The following EPHA4 variants were observed in gnomAD, a reference collection of about 807,000 sequenced individuals.
EPHA4 encodes the protein EPH receptor A4.
A neutral mutation model predicts 108.3 loss-of-function variants in EPHA4; 19 were observed. The observed-to-expected ratio is 0.18, with a 90% CI of 0.12 to 0.26. The LOEUF (loss-of-function observed/expected upper bound fraction) is 0.26. EPHA4 is among the 10% of genes least tolerant of loss of function. The pLI is 1.00. For synonymous variants in EPHA4, 449 were observed against 455.5 expected, an observed-to-expected ratio of 0.99 and a Z score of 0.18; for missense variants, 917 against 1,254.0, an observed-to-expected ratio of 0.73 and a Z score of 4.06.
intron 5 of EPHA4, 79 bp downstream of exon 5, chr2:221,482,273 C>A: frequency 7.8e-7 from 1 of 1,279,196 alleles, no homozygotes; most frequent in Non-Finnish European, 1.1e-6. Flanking sequence ...TCAATTATAG[C>A]AATTTATTAT....
At chr2:221,439,401 C>A (rs1414970122) in intron 11 of EPHA4, among the ~76,000 whole-genome samples, 2 of 150,968 alleles carry the variant, frequency 1.3e-5, no homozygotes, top group Non-Finnish European at 2.9e-5. Context: ...GAGGCTGAGA[C>A]AGGAGAATCA....
chr2:221,474,444 G>A (rs942039494), intron 5 of EPHA4, among the ~76,000 whole-genome samples: 3 of 146,742 alleles, frequency 2.0e-5, no homozygotes, highest in South Asian at 2.1e-4. Context: ...AAAAAGTACC[G>A]CATGTTGTTT....
intron 3 of EPHA4, among the ~76,000 whole-genome samples, chr2:221,537,499 GCCC>G (rs1318307921): frequency 6.6e-6 from 1 of 152,148 alleles, no homozygotes; most frequent in Non-Finnish European, 1.5e-5. Flanking sequence ...TAAAAAGAAG[GCCC>G]CAGGCCTGGC....
At chr2:221,555,586 C>A (rs188850885) in intron 3 of EPHA4, among the ~76,000 whole-genome samples, 2 of 152,290 alleles carry the variant, frequency 1.3e-5, no homozygotes, top group East Asian at 3.9e-4. Flanking sequence ...TTCTTAATTA[C>A]CCTCCAGATC....
chr2:221,426,045 T>G lies in EPHA4; in HGVS notation c.2944A>C (p.Arg982=), dbSNP rs950330376. ...MRTQMQQMHG[R]MVPV ...GTACTGGCTCAGACGGGAACCATTCTGCCGTGCATCTGCTGCATTTGGGTT... is the reference window on the plus strand; with the variant it reads ...GTACTGGCTCAGACGGGAACCATTCGGCCGTGCATCTGCTGCATTTGGGTT... Residue 982 remains arginine, a synonymous_variant, in exon 17 of 18, where the codon AGA becomes CGA. Coordinates refer to ENST00000281821, the MANE Select transcript of EPHA4 (RefSeq NM_004438.5). The G allele has an allele frequency of 6.2e-7, 1 of 1,614,182 alleles. No homozygotes were observed. Among genetic ancestry groups the G allele is most frequent in the Non-Finnish European group, 8.5e-7 (1 of 1,180,002 alleles).
intron 3 of EPHA4, among the ~76,000 whole-genome samples, chr2:221,548,416 C>A (rs1185323781): frequency 6.6e-6 from 1 of 152,206 alleles, no homozygotes; most frequent in East Asian, 1.9e-4. Context: ...CTCCCACTCT[C>A]ACCATGTGAA....
Position 221,519,230 on chromosome 2 carries a change from ACT to A in EPHA4, c.824-18060_824-18059del, listed in dbSNP as rs370938445. Among the ~76,000 whole-genome samples the A allele has an allele frequency of 3.0e-3, 454 of 152,296 alleles. 2 individuals carry two copies. The highest frequency in any genetic ancestry group is 7.9e-3 in the South Asian group (38 of 4,822). ...GGTGGCTATAAATGTAGTTTTAAAC[ACT>A]TTTTTTTTAAAGCAGGATATAACAA... On this transcript the variant is annotated intron_variant, in intron 3 of 17. Coordinates refer to ENST00000281821, the MANE Select transcript of EPHA4 (RefSeq NM_004438.5).
chr2:221,445,539 A>G (rs7594429), intron 9 of EPHA4, among the ~76,000 whole-genome samples: 51,076 of 148,708 alleles, frequency 0.34, 10,455 homozygotes, highest in African/African-American at 0.58. Flanking sequence ...GCAGTGAGCC[A>G]AGATCATGCC....
intron 3 of EPHA4, among the ~76,000 whole-genome samples, chr2:221,513,597 T>C (rs1331575305): frequency 6.6e-6 from 1 of 152,210 alleles, no homozygotes; most frequent in African/African-American, 2.4e-5. Context: ...CGTATTACGA[T>C]TCTCTGCTGA....
At chr2:221,551,763 G>A (rs1375021880) in intron 3 of EPHA4, among the ~76,000 whole-genome samples, 2 of 151,958 alleles carry the variant, frequency 1.3e-5, no homozygotes, top group Non-Finnish European at 2.9e-5. Context: ...ACCATTCAGT[G>A]GTTGATTCCA....
At chr2:221,491,871 C>A (rs1044987517) in intron 4 of EPHA4, among the ~76,000 whole-genome samples, 8 of 151,954 alleles carry the variant, frequency 5.3e-5, no homozygotes, top group African/African-American at 1.9e-4. Context: ...ATACCCTGGG[C>A]TGAGTGTGGT....
intron 5 of EPHA4, among the ~76,000 whole-genome samples, chr2:221,475,914 G>A (rs1302885175): frequency 6.6e-6 from 1 of 152,090 alleles, no homozygotes; most frequent in Admixed American, 6.6e-5. Flanking sequence ...GCAAACATTT[G>A]TGTCTTAAAA....
intron 8 of EPHA4, among the ~76,000 whole-genome samples, chr2:221,451,485 C>G (rs1374083506): frequency 6.6e-6 from 1 of 151,798 alleles, no homozygotes; most frequent in Non-Finnish European, 1.5e-5. Flanking sequence ...GTGGAGATCA[C>G]AAATATATAA....
chr2:221,456,947 C>T (rs907442762), intron 6 of EPHA4, among the ~76,000 whole-genome samples, 175 bp from the exon 7 acceptor site: 1 of 152,188 alleles, frequency 6.6e-6, no homozygotes, highest in African/African-American at 2.4e-5. Context: ...ATTGTTACTT[C>T]TTACTTGTTG....
At chr2:221,546,683 C>A (rs1394288333) in intron 3 of EPHA4, among the ~76,000 whole-genome samples, 1 of 152,142 alleles carries the variant, frequency 6.6e-6, no homozygotes, top group African/African-American at 2.4e-5. Context: ...CTGCCTCTGT[C>A]AGTGACTCAA....
intron 5 of EPHA4, among the ~76,000 whole-genome samples, chr2:221,461,739 T>C (rs553047648): frequency 1.3e-5 from 2 of 152,252 alleles, no homozygotes; most frequent in African/African-American, 2.4e-5. Context: ...AAAAGAACTA[T>C]TGGGAAATTT....
Position 221,425,883 on chromosome 2 carries a change from C to A in EPHA4, c.*145G>T, listed in dbSNP as rs1277111485. The A allele has an allele frequency of 2.0e-5, 14 of 708,218 alleles. No homozygotes were observed. The Admixed American group carries it at 2.2e-4, about 11-fold the overall frequency. The allele number at this position is 708,218 out of a possible 1,614,324, so 43.9% of individuals were successfully genotyped here. ...CCCACAGTTTCAGCAATCTGTGCAC[C>A]AAGCAACGCTGCAGATATTGTTTTT... On this transcript the variant is annotated 3_prime_UTR_variant, in exon 17 of 18. Coordinates refer to ENST00000281821, the MANE Select transcript of EPHA4 (RefSeq NM_004438.5).
chr2:221,553,365 G>A (rs1047994804), intron 3 of EPHA4, among the ~76,000 whole-genome samples: 2 of 152,330 alleles, frequency 1.3e-5, no homozygotes, highest in African/African-American at 4.8e-5. Context: ...GCTGGGAAAC[G>A]TGAAGTCTTA....
chr2:221,557,139 G>C (rs1574657771), intron 3 of EPHA4, among the ~76,000 whole-genome samples: 1 of 152,194 alleles, frequency 6.6e-6, no homozygotes, highest in Admixed American at 6.5e-5. Context: ...CCACATGAAA[G>C]GGTCTTGGGG....
Sources: gnomAD v4.1 joint callset for allele counts (sites outside exome capture counted in the v4.1 genomes callset) on GRCh38, gnomAD v4.1.1 for gene constraint, MANE v1.5 for transcripts, NCBI Gene and HGNC (gene_info 2026-07-23, HGNC 2026-07-21) for gene names.